Variants in RFC1 observed in about 807,000 individuals in gnomAD.
The protein encoded by RFC1 is replication factor C subunit 1, also known as A1 140 kDa subunit.
A neutral mutation model predicts 137.4 loss-of-function variants in RFC1; 37 were observed. That is an observed-to-expected ratio of 0.27 (90% CI 0.21 to 0.35). The LOEUF is 0.35. Ranked by LOEUF, RFC1 falls within the 10% of genes least tolerant of loss-of-function variation. RFC1 has a pLI of 1.00. For synonymous variants in RFC1, 429 were observed against 455.7 expected, an observed-to-expected ratio of 0.94 and a Z score of 0.75; for missense variants, 1,205 against 1,358.5, an observed-to-expected ratio of 0.89 and a Z score of 1.78.
chr4:39,309,060 A>G, intron 12 of RFC1, 28 bp from the exon 13 acceptor site: 1 of 1,563,360 alleles, frequency 6.4e-7, no homozygotes, highest in Non-Finnish European at 8.6e-7. Context: ...TGAGGAAAAA[A>G]GAAACCTGAT....
intron 9 of RFC1, among the ~76,000 whole-genome samples, chr4:39,319,710 A>G (rs2109664342): frequency 6.6e-6 from 1 of 152,290 alleles, no homozygotes; most frequent in East Asian, 1.9e-4. Flanking sequence ...TTCCAAGACC[A>G]CCCCAGTAGG....
intron 1 of RFC1, among the ~76,000 whole-genome samples, chr4:39,355,176 A>G (rs1252347801): frequency 1.3e-5 from 2 of 148,862 alleles, no homozygotes; most frequent in East Asian, 2.0e-4. Context: ...TAATCCCAAC[A>G]CTTTGAGAGG....
chr4:39,316,454 C>G (rs1739245608), intron 10 of RFC1, among the ~76,000 whole-genome samples: 1 of 152,228 alleles, frequency 6.6e-6, no homozygotes, highest in South Asian at 2.1e-4. Flanking sequence ...CCATCACAAC[C>G]CCTTCACACC....
chr4:39,346,202 C>T (rs1036608273), intron 2 of RFC1, among the ~76,000 whole-genome samples: 16 of 152,224 alleles, frequency 1.1e-4, no homozygotes, highest in Non-Finnish European at 2.4e-4. Context: ...ACCAGCCAGG[C>T]TCAGTGGCTC....
At chr4:39,323,937 C>T (rs1006497893) in intron 6 of RFC1, among the ~76,000 whole-genome samples, 5 of 152,136 alleles carry the variant, frequency 3.3e-5, no homozygotes, top group Non-Finnish European at 1.5e-5. Context: ...AATTCAAATG[C>T]ATCTGTTCTC....
chr4:39,355,136 C>CACA (rs1383123973), intron 1 of RFC1, among the ~76,000 whole-genome samples: 10 of 131,420 alleles, frequency 7.6e-5, no homozygotes, highest in Non-Finnish European at 1.6e-4. Flanking sequence ...CACACACACA[C>CACA]AACAGGCCAG....
intron 9 of RFC1, among the ~76,000 whole-genome samples, chr4:39,319,859 T>G (rs1739428560): frequency 6.6e-6 from 1 of 152,162 alleles, no homozygotes; most frequent in Non-Finnish European, 1.5e-5. Flanking sequence ...AAGAGATGAT[T>G]CACATCCTGG....
At chr4:39,318,728 T>G (rs1258734364) in intron 9 of RFC1, among the ~76,000 whole-genome samples, 1 of 152,214 alleles carries the variant, frequency 6.6e-6, no homozygotes, top group Non-Finnish European at 1.5e-5. Context: ...AAGCATTTAG[T>G]GCAGAAAAAA....
chr4:39,321,427 C>T lies in RFC1; in HGVS notation c.721-53G>A, dbSNP rs186009059. 1.9e-4 allele frequency: 284 copies of T among 1,514,300 alleles called. No homozygotes were observed. In the African/African-American group the frequency reaches 3.8e-3, roughly 20 times the overall value. The allele number at this position is 1,514,300 out of a possible 1,614,324, so 93.8% of individuals were successfully genotyped here. On this transcript the variant is annotated intron_variant, in intron 7 of 24. Coordinates refer to ENST00000349703, the MANE Select transcript of RFC1 (RefSeq NM_002913.5). ...TGACAAATAATAGAAAAACTATTAC[C>T]ATAAAATCTGTTGTTAAAATCCATC...
chr4:39,354,047 G>A (rs189525562), intron 1 of RFC1, among the ~76,000 whole-genome samples: 62 of 152,004 alleles, frequency 4.1e-4, no homozygotes, highest in African/African-American at 1.4e-3. Context: ...TCCTCCCTAC[G>A]TAATTATTTC....
intron 3 of RFC1, among the ~76,000 whole-genome samples, chr4:39,342,878 A>T (rs1388089316): frequency 6.6e-6 from 1 of 152,206 alleles, no homozygotes; most frequent in Non-Finnish European, 1.5e-5. Context: ...GCATCTTCAA[A>T]GCCAGCAACA....
chr4:39,312,080 T>G (rs4975004), intron 11 of RFC1, among the ~76,000 whole-genome samples: 1 of 152,064 alleles, frequency 6.6e-6, no homozygotes, highest in Admixed American at 6.5e-5. Context: ...CTATAAGACA[T>G]GTTTCTGGGA....
intron 2 of RFC1, among the ~76,000 whole-genome samples, chr4:39,349,150 T>C (rs1741058967): frequency 1.3e-5 from 2 of 152,244 alleles, no homozygotes; most frequent in African/African-American, 4.8e-5. Context: ...GACTGTGGAC[T>C]TCAGACTTGA....
intron 10 of RFC1, among the ~76,000 whole-genome samples, chr4:39,316,029 G>A (rs1347399665): frequency 1.1e-4 from 16 of 152,140 alleles, no homozygotes; most frequent in African/African-American, 2.7e-4. Context: ...TCGAGAGTTC[G>A]AGGCCAGCCT....
In RFC1 at chr4:39,321,355, G is replaced by T. The variant is rs201358782; in HGVS notation, c.740C>A (p.Ala247Glu). ...KTKKARKDTE[A>E]GETFSSVQAN... ...TTGGACAGATGAAAACGTTTCTCCC[G>T]CTTCTGTGTCCTTTCGAGCCTAAAC... Residue 247 changes from alanine to glutamate, a missense_variant, in exon 8 of 25, where the codon GCG becomes GAG. By Grantham distance (107) the Ala-to-Glu change is moderately radical (BLOSUM62 -1). Coordinates refer to ENST00000349703, the MANE Select transcript of RFC1 (RefSeq NM_002913.5). The T allele has an allele frequency of 1.2e-6, 2 of 1,613,350 alleles. No individual in the cohort carries two copies. The highest frequency in any genetic ancestry group is 1.1e-5 in the South Asian group (1 of 90,972).
chr4:39,312,880 C>G lies in RFC1; in HGVS notation c.1255G>C (p.Glu419Gln). 1 of 1,614,110 alleles carries G rather than the reference C, an allele frequency of 6.2e-7. No individual in the cohort carries two copies. Among genetic ancestry groups the G allele is most frequent in the Non-Finnish European group, 8.5e-7 (1 of 1,180,002 alleles). Residue 419 changes from glutamate (E) to glutamine (Q), a missense_variant, in exon 11 of 25, where the codon GAG becomes CAG. Physicochemically the swap from Glu to Gln is conservative, Grantham distance 29. Transcript: ENST00000349703. ...TTGGCCTCATCTCGTTCAATAGACT[C>G]CAGCACGCCTGTGATTACAAATATA... ...GLIFVITGVL[E>Q]SIERDEAKSL...
Position 39,288,935 on chromosome 4 carries a change from G to C in RFC1, c.3361-91C>G, listed in dbSNP as rs55691126. ...TCTATAACAAATCTAATCTTTACCTGCAACTTAATTAAAAAAGAAGAGAGG... is the reference window on the plus strand; with the variant it reads ...TCTATAACAAATCTAATCTTTACCTCCAACTTAATTAAAAAAGAAGAGAGG... On this transcript the variant is annotated intron_variant, in intron 24 of 24. Coordinates refer to ENST00000349703, the MANE Select transcript of RFC1 (RefSeq NM_002913.5). 1,107 of 834,978 alleles carry C rather than the reference G, an allele frequency of 1.3e-3. 11 individuals are homozygous for C. In the African/African-American group the frequency reaches 0.018, roughly 14 times the overall value. The allele number at this position is 834,978 out of a possible 1,614,324, so 51.7% of individuals were successfully genotyped here.
intron 12 of RFC1, among the ~76,000 whole-genome samples, chr4:39,310,700 T>A (rs1738921201): frequency 6.6e-6 from 1 of 152,224 alleles, no homozygotes; most frequent in South Asian, 2.1e-4. Context: ...AGCCAACATT[T>A]TTCCTTTTGC....
rs552474873 is a variant in RFC1, at chr4:39,301,672, C to CGTG, written c.2535+603_2535+605dup. ...TAAAAAATAAAGCGTATAGGCCAGA[C>CGTG]GTGGTGGCTCACACCTATAATCCCG... On this transcript the variant is annotated intron_variant, in intron 19 of 24. Coordinates refer to ENST00000349703, the MANE Select transcript of RFC1 (RefSeq NM_002913.5). Among the ~76,000 whole-genome samples the CGTG allele has an allele frequency of 7.0e-3, 1,068 of 152,280 alleles. 4 individuals carry two copies. The highest frequency in any genetic ancestry group is 1.0e-2 in the Non-Finnish European group (680 of 68,020).
Sources: gnomAD v4.1 joint callset for allele counts (sites outside exome capture counted in the v4.1 genomes callset) on GRCh38, gnomAD v4.1.1 for gene constraint, MANE v1.5 for transcripts, NCBI Gene and HGNC (gene_info 2026-07-23, HGNC 2026-07-21) for gene names.